Variants in RB1 observed in about 807,000 individuals in gnomAD.
RB1 encodes the protein retinoblastoma-associated protein.
RB1 carries 18 observed loss-of-function variants against 135.4 expected under a neutral mutation model. That is an observed-to-expected ratio of 0.13 (90% CI 0.09 to 0.20). The LOEUF is 0.20. Ranked by LOEUF, RB1 falls within the 10% of genes least tolerant of loss-of-function variation. The pLI is 1.00. For synonymous variants in RB1, 365 were observed against 373.2 expected (o/e 0.98, Z 0.25); for missense variants, 868 against 1,110.0 (o/e 0.78, Z 3.10).
intron 18 of RB1, among the ~76,000 whole-genome samples, chr13:48,454,760 C>T (rs1949349852): frequency 6.6e-6 from 1 of 152,216 alleles, no homozygotes; most frequent in Admixed American, 6.5e-5. Context: ...CTGATGCTAG[C>T]TAGGCAAAAA....
Position 48,396,299 on chromosome 13 carries a change from A to G in RB1, c.1695+14856A>G, listed in dbSNP as rs543062441. On this transcript the variant is annotated intron_variant, in intron 17 of 26. Coordinates refer to ENST00000267163, the MANE Select transcript of RB1 (RefSeq NM_000321.3). Reference sequence around the variant, plus strand: ...GCATGGTACTGGTACCAAAAAAGATAAATAAACCAACGGAACAGAACAGAG... The same window carrying G: ...GCATGGTACTGGTACCAAAAAAGATGAATAAACCAACGGAACAGAACAGAG... 2.6e-5 allele frequency among the ~76,000 whole-genome samples: 4 copies of G among 152,266 alleles called. No individual in the cohort carries two copies. In the South Asian group the frequency reaches 6.2e-4, roughly 24 times the overall value.
intron 17 of RB1, among the ~76,000 whole-genome samples, chr13:48,398,413 T>C (rs1336433042): frequency 6.6e-6 from 1 of 152,138 alleles, no homozygotes; most frequent in Non-Finnish European, 1.5e-5. Flanking sequence ...AATGCAACTT[T>C]GCTTCCCACT....
At chr13:48,323,896 C>G (rs1426032403) in intron 2 of RB1, among the ~76,000 whole-genome samples, 2 of 151,998 alleles carry the variant, frequency 1.3e-5, no homozygotes, top group East Asian at 3.8e-4. Flanking sequence ...TGATAGCATG[C>G]ATTTTGGGGG....
At position 48,421,487 on chromosome 13, in the gene RB1, C is replaced by T. The variant is rs1226561761; in HGVS notation, c.1696-31506C>T. ...GACTTCCTGACCAAAACACCAAAAG[C>T]AATGGTAACAAAAGCCAAAATTGAC... On this transcript the variant is annotated intron_variant, in intron 17 of 26. Coordinates refer to ENST00000267163, the MANE Select transcript of RB1 (RefSeq NM_000321.3). Among the ~76,000 whole-genome samples, 11 of 152,242 alleles carry T rather than the reference C, an allele frequency of 7.2e-5. No homozygotes were observed. The East Asian group carries it at 1.3e-3, about 19-fold the overall frequency.
chr13:48,318,876 T>C (rs1239805996), intron 2 of RB1: 1 of 1,140,792 alleles, frequency 8.8e-7, no homozygotes, highest in Non-Finnish European at 1.3e-6. Context: ...AACGTCTGGA[T>C]TTCCTGATCG....
At chr13:48,429,550 A>G (rs924114240) in intron 17 of RB1, 3 of 152,054 alleles carry the variant, frequency 2.0e-5, no homozygotes, top group African/African-American at 7.2e-5. Flanking sequence ...ATAAACCCAC[A>G]TTATTGGTGT....
intron 2 of RB1, chr13:48,317,114 T>C: frequency 1.1e-6 from 1 of 904,602 alleles, no homozygotes. Context: ...AGTGTGGGCT[T>C]CCAAAGACAG....
intron 9 of RB1, among the ~76,000 whole-genome samples, chr13:48,367,277 A>G (rs940957068): frequency 3.3e-5 from 5 of 152,168 alleles, no homozygotes; most frequent in Non-Finnish European, 7.4e-5. Context: ...AATATTTTCT[A>G]TGCACGAAAT....
In RB1 at chr13:48,311,528, G is replaced by A. The variant is rs562099671; in HGVS notation, c.264+4122G>A. On this transcript the variant is annotated intron_variant, in intron 2 of 26. Coordinates refer to ENST00000267163, the MANE Select transcript of RB1 (RefSeq NM_000321.3). ...GCATGTTACTGTACTGAACATTGTA[G>A]GCAATTGTAACACAATGGTAAGTAT... is the stretch of plus-strand genomic sequence containing the variant. Among the ~76,000 whole-genome samples, 27 of 152,190 alleles carry A rather than the reference G, an allele frequency of 1.8e-4. No individual in the cohort carries two copies. In the South Asian group the frequency reaches 4.6e-3, roughly 26 times the overall value.
chr13:48,389,082 C>T (rs1948592795), intron 17 of RB1, among the ~76,000 whole-genome samples: 1 of 152,164 alleles, frequency 6.6e-6, no homozygotes, highest in South Asian at 2.1e-4. Context: ...ATCGCTTGAG[C>T]CCGGGAGGCG....
chr13:48,343,815 A>G lies in RB1; in HGVS notation c.380+1101A>G, dbSNP rs1468200749. 2.0e-5 allele frequency among the ~76,000 whole-genome samples: 3 copies of G among 152,012 alleles called. No homozygotes were observed. In the East Asian group the frequency reaches 5.8e-4, roughly 29 times the overall value. ...CTTCTAATCAACATTCTGATCTTCTATTCTTTGTCATTTCTACTCTTTCTT... is the reference window on the plus strand; with the variant it reads ...CTTCTAATCAACATTCTGATCTTCTGTTCTTTGTCATTTCTACTCTTTCTT... On this transcript the variant is annotated intron_variant, in intron 3 of 26. Transcript: ENST00000267163.
At chr13:48,439,151 G>A (rs927941297) in intron 17 of RB1, among the ~76,000 whole-genome samples, 1 of 152,086 alleles carries the variant, frequency 6.6e-6, no homozygotes, top group Non-Finnish European at 1.5e-5. Context: ...GGTAGACTTG[G>A]GTTTGAATCA....
At chr13:48,449,464 T>A (rs1355447918) in intron 17 of RB1, among the ~76,000 whole-genome samples, 1 of 152,258 alleles carries the variant, frequency 6.6e-6, no homozygotes, top group Non-Finnish European at 1.5e-5. Context: ...GCCTGTTGGC[T>A]TTCCTTAATG....
chr13:48,412,017 A>T, intron 17 of RB1: 2 of 1,612,696 alleles, frequency 1.2e-6, no homozygotes, highest in Non-Finnish European at 1.7e-6. Flanking sequence ...GCCAGTGCAA[A>T]CAATCTTTGC....
At chr13:48,343,371 C>T (rs767934448) in intron 3 of RB1, among the ~76,000 whole-genome samples, 10 of 152,038 alleles carry the variant, frequency 6.6e-5, no homozygotes, top group Admixed American at 4.6e-4. Context: ...AATTATGTTT[C>T]TCCTTGAACA....
chr13:48,370,050 A>G (rs754099440), intron 11 of RB1, among the ~76,000 whole-genome samples: 5 of 152,226 alleles, frequency 3.3e-5, no homozygotes, highest in African/African-American at 4.8e-5. Flanking sequence ...ACATTTTCAT[A>G]TAAGTATAGT....
intron 23 of RB1, among the ~76,000 whole-genome samples, 174 bp downstream of exon 23, chr13:48,465,542 C>G (rs894752815): frequency 3.3e-5 from 5 of 152,124 alleles, no homozygotes; most frequent in African/African-American, 1.2e-4. Flanking sequence ...AATCTATTTA[C>G]GACTTAAGCA....
Position 48,461,717 on chromosome 13 carries a change from G to C in RB1, c.2106+1884G>C, listed in dbSNP as rs185096386. Among the ~76,000 whole-genome samples the C allele has an allele frequency of 2.6e-5, 4 of 151,788 alleles. No homozygotes were observed. In the East Asian group the frequency reaches 5.8e-4, roughly 22 times the overall value. On this transcript the variant is annotated intron_variant, in intron 20 of 26. Transcript: ENST00000267163. Reference sequence around the variant, plus strand: ...ATAAAATGGCATCTCAGTGTGGTTTGATTTGCATTTCTCTGATGGCTAGTG... The same window carrying C: ...ATAAAATGGCATCTCAGTGTGGTTTCATTTGCATTTCTCTGATGGCTAGTG...
At chr13:48,433,320 T>G (rs1949149092) in intron 17 of RB1, among the ~76,000 whole-genome samples, 1 of 152,158 alleles carries the variant, frequency 6.6e-6, no homozygotes, top group South Asian at 2.1e-4. Flanking sequence ...ACATTTAAAA[T>G]TATTTAAATA....
Sources: gnomAD v4.1 joint callset for allele counts (sites outside exome capture counted in the v4.1 genomes callset) on GRCh38, gnomAD v4.1.1 for gene constraint, MANE v1.5 for transcripts, NCBI Gene and HGNC (gene_info 2026-07-23, HGNC 2026-07-21) for gene names.